Variants in DRG1 observed in about 807,000 individuals in gnomAD.
The protein encoded by DRG1 is developmentally regulated GTP binding protein 1.
Under a neutral mutation model 38.8 loss-of-function variants are expected in DRG1, and 19 were observed. The ratio of observed to expected loss-of-function variants is 0.49; its 90% CI spans 0.34 to 0.72. The LOEUF (loss-of-function observed/expected upper bound fraction) is 0.72, where lower values mean the gene tolerates loss of function less well. DRG1 is among the 30% of genes least tolerant of loss of function. DRG1 has a pLI of 0.01. For missense variants in DRG1, 299 were observed against 444.8 expected (o/e 0.67, Z 2.95); for synonymous variants, 167 against 157.5 (o/e 1.06, Z -0.45).
chr22:31,433,744 A>G, intron 8 of DRG1, 128 bp from the exon 9 acceptor site: 1 of 702,656 alleles, frequency 1.4e-6, no homozygotes, highest in Non-Finnish European at 2.3e-6. Context: ...TAGGGAAGAT[A>G]AAGCTTTTGT....
intron 4 of DRG1, among the ~76,000 whole-genome samples, chr22:31,419,307 A>G (rs934150232): frequency 1.3e-5 from 2 of 151,964 alleles, no homozygotes; most frequent in Non-Finnish European, 2.9e-5. Flanking sequence ...TGTCTCTGTC[A>G]ATATAAATAT....
Position 31,404,243 on chromosome 22 carries a change from ATCT to A in DRG1, c.342+1044_342+1046del, listed in dbSNP as rs1221204469. ...GTAAGCTTACTAGTGGGTATCCTTA[ATCT>A]TCTTTTTTTTTTTTTTTGAGACAGA... On this transcript the variant is annotated intron_variant, in intron 3 of 8. Coordinates refer to ENST00000331457, the MANE Select transcript of DRG1 (RefSeq NM_004147.4). Among the ~76,000 whole-genome samples the A allele has an allele frequency of 4.5e-4, 66 of 147,744 alleles. No homozygotes were observed. The East Asian group carries it at 8.9e-3, about 20-fold the overall frequency.
chr22:31,429,128 G>T (rs1283702329), intron 8 of DRG1, among the ~76,000 whole-genome samples: 1 of 151,454 alleles, frequency 6.6e-6, no homozygotes, highest in African/African-American at 2.4e-5. Context: ...AGGCTTGTTT[G>T]TGACATTTAT....
At chr22:31,404,940 A>AC (rs1555897939) in intron 3 of DRG1, among the ~76,000 whole-genome samples, 2 of 149,892 alleles carry the variant, frequency 1.3e-5, no homozygotes, top group East Asian at 3.9e-4. Flanking sequence ...TTAAATAAAT[A>AC]TTTTTTTTTT....
intron 3 of DRG1, among the ~76,000 whole-genome samples, chr22:31,406,054 G>A (rs1007408541): frequency 6.7e-6 from 1 of 149,492 alleles, no homozygotes; most frequent in Non-Finnish European, 1.5e-5. Flanking sequence ...GCCCAAGATG[G>A]AGTGCAGTGG....
intron 6 of DRG1, among the ~76,000 whole-genome samples, chr22:31,426,173 A>G (rs2050109225): frequency 6.6e-6 from 1 of 152,234 alleles, no homozygotes. Flanking sequence ...TCATATCCAC[A>G]GAGGATTGCT....
intron 5 of DRG1, among the ~76,000 whole-genome samples, chr22:31,422,478 T>C (rs1388634094): frequency 6.6e-6 from 1 of 152,064 alleles, no homozygotes; most frequent in Admixed American, 6.6e-5. Context: ...TAAGACTTCT[T>C]AGACCAAGAG....
intron 4 of DRG1, among the ~76,000 whole-genome samples, chr22:31,411,883 G>C (rs186159902): frequency 6.6e-6 from 1 of 151,978 alleles, no homozygotes; most frequent in East Asian, 1.9e-4. Flanking sequence ...TTTTCCCTCA[G>C]AAATTTGAAG....
chr22:31,401,501 T>C (rs1354003607), intron 2 of DRG1, among the ~76,000 whole-genome samples: 1 of 145,140 alleles, frequency 6.9e-6, no homozygotes, highest in Non-Finnish European at 1.5e-5. Flanking sequence ...ATTGCTTGAA[T>C]CGGGACCCAG....
chr22:31,416,041 A>G (rs952733959), intron 4 of DRG1, among the ~76,000 whole-genome samples: 1 of 152,128 alleles, frequency 6.6e-6, no homozygotes, highest in Admixed American at 6.6e-5. Context: ...AGATCAGTCC[A>G]GGCACGATGG....
At chr22:31,414,421 G>A (rs1368195790) in intron 4 of DRG1, among the ~76,000 whole-genome samples, 17 of 152,002 alleles carry the variant, frequency 1.1e-4, no homozygotes, top group Admixed American at 1.1e-3. Context: ...GCAACATAGT[G>A]ATACCTCATC....
Position 31,422,109 on chromosome 22 carries a change from C to CA in DRG1, c.583-1160dup, listed in dbSNP as rs765984253. On this transcript the variant is annotated intron_variant, in intron 5 of 8. Transcript: ENST00000331457. ...CTGGTGACAGAGCGGGACTCCGTCTCAAAAAAAAAAAGAAAGAAAGAAAGA... is the reference window on the plus strand; with the variant it reads ...CTGGTGACAGAGCGGGACTCCGTCTCAAAAAAAAAAAAGAAAGAAAGAAAGA... Among the ~76,000 whole-genome samples, 368 of 122,408 alleles carry CA rather than the reference C, an allele frequency of 3.0e-3. 2 individuals are homozygous for CA. Among genetic ancestry groups the CA allele is most frequent in the Middle Eastern group, 0.018 (4 of 224 alleles). 80.3% of individuals were successfully genotyped at this position (122,408 alleles called of 152,430 possible).
chr22:31,413,615 T>G (rs1156712351), intron 4 of DRG1, among the ~76,000 whole-genome samples: 2 of 125,346 alleles, frequency 1.6e-5, no homozygotes, highest in African/African-American at 3.0e-5. Flanking sequence ...GTGGGTTTTT[T>G]TTTTTTTTTT....
At chr22:31,414,224 A>G (rs2050032760) in intron 4 of DRG1, among the ~76,000 whole-genome samples, 1 of 152,016 alleles carries the variant, frequency 6.6e-6, no homozygotes, top group South Asian at 2.1e-4. Context: ...AAATGTCTGG[A>G]TCTATATTCT....
At chr22:31,422,965 AC>A (rs375714266) in intron 5 of DRG1, among the ~76,000 whole-genome samples, 2 of 151,990 alleles carry the variant, frequency 1.3e-5, no homozygotes, top group African/African-American at 4.8e-5. Context: ...TTATGGCCCC[AC>A]CCTAATGACC....
chr22:31,431,029 C>T (rs866255824), intron 8 of DRG1, among the ~76,000 whole-genome samples: 5 of 62,444 alleles, frequency 8.0e-5, no homozygotes, highest in African/African-American at 1.5e-4. Flanking sequence ...TCCCCCCCCC[C>T]CCCCGCTTTT....
At position 31,434,122 on chromosome 22, in the gene DRG1, T is replaced by C. The variant is rs897522177; in HGVS notation, c.*151T>C. On this transcript the variant is annotated 3_prime_UTR_variant, in exon 9 of 9. Coordinates refer to ENST00000331457, the MANE Select transcript of DRG1 (RefSeq NM_004147.4). The stretch of plus-strand genomic sequence containing the variant: ...ACCCAAACTGGAACTTCATTTGTCT[T>C]ACCTTGGTGTCACCTTGTATGTCGA... 3.0e-5 allele frequency: 19 copies of C among 635,304 alleles called. No homozygotes were observed. Among genetic ancestry groups the C allele is most frequent in the African/African-American group, 2.2e-4 (12 of 54,544 alleles). 39.4% of individuals were successfully genotyped at this position (635,304 alleles called of 1,614,324 possible). A position where few individuals can be genotyped will look rare whatever the true frequency, so the allele number is the denominator to read the frequency against.
intron 8 of DRG1, among the ~76,000 whole-genome samples, chr22:31,432,727 ATT>A (rs2050146891): frequency 6.8e-6 from 1 of 147,002 alleles, no homozygotes; most frequent in Non-Finnish European, 1.5e-5. Context: ...GCCTGGCCTA[ATT>A]TTTGTATTTT....
rs1601534623 is a variant in DRG1 at position 31,426,854 on chromosome 22, G to A, written c.881+72G>A. 6 of 1,548,174 alleles carry A rather than the reference G, an allele frequency of 3.9e-6. No individual in the cohort carries two copies. In the East Asian group the frequency reaches 1.4e-4, roughly 35 times the overall value. ...CTGTCCTAAAATGATACTTTCTGGA[G>A]CTCATTAACAAAATCTGGCTCTTTT... is the stretch of plus-strand genomic sequence containing the variant. On this transcript the variant is annotated intron_variant, in intron 7 of 8. Transcript: ENST00000331457.
Sources: gnomAD v4.1 joint callset for allele counts (sites outside exome capture counted in the v4.1 genomes callset) on GRCh38, gnomAD v4.1.1 for gene constraint, MANE v1.5 for transcripts, NCBI Gene and HGNC (gene_info 2026-07-23, HGNC 2026-07-21) for gene names.